SP4: variants seen among roughly 807,000 people sequenced by gnomAD.
The protein encoded by SP4 is Sp4 transcription factor, also known as transcription factor Sp4.
In SP4, 19 loss-of-function variants were observed where a neutral mutation model predicts 72.8. The ratio of observed to expected loss-of-function variants is 0.26; its 90% CI spans 0.18 to 0.38. SP4 has a LOEUF of 0.38. Among genes scored for constraint, SP4 ranks in the 10% least tolerant of loss-of-function variants. The pLI is 1.00. For missense variants in SP4, 1,008 were observed against 926.3 expected, an observed-to-expected ratio of 1.09 and a Z score of -1.14; for synonymous variants, 395 against 333.1, an observed-to-expected ratio of 1.19 and a Z score of -2.02.
intron 3 of SP4, among the ~76,000 whole-genome samples, chr7:21,441,804 G>T (rs1335061852): frequency 6.6e-6 from 1 of 152,074 alleles, no homozygotes; most frequent in African/African-American, 2.4e-5. Context: ...AAGGGATTAG[G>T]TAAAAACATC....
At chr7:21,471,225 T>A (rs1257638906) in intron 3 of SP4, 14 of 449,104 alleles carry the variant, frequency 3.1e-5, no homozygotes, top group South Asian at 2.4e-4. Context: ...ACTGACCTTA[T>A]TGTGAATGTA....
intron 3 of SP4, among the ~76,000 whole-genome samples, chr7:21,468,753 C>G (rs1226884962): frequency 6.6e-6 from 1 of 151,998 alleles, no homozygotes; most frequent in Non-Finnish European, 1.5e-5. Flanking sequence ...TCTTGCCTTA[C>G]TACATTGGCT....
chr7:21,429,837 G>A lies in SP4; in HGVS notation c.672G>A (p.Leu224=). The stretch of plus-strand genomic sequence containing the variant: ...CTGGGAATATTCTTGCTCAAAACCT[G>A]GCAAATCAGACAGTTCCGGTCCAAA... ...TASGNILAQN[L]ANQTVPVQIR... is the part of the protein sequence containing the mutation. Residue 224 remains leucine, a synonymous_variant, in exon 3 of 6, where the codon CTG becomes CTA. Transcript: ENST00000222584. The A allele has an allele frequency of 6.2e-7, 1 of 1,614,176 alleles. No individual in the cohort carries two copies.
At chr7:21,494,496 G>GA (rs1366262500) in intron 5 of SP4, among the ~76,000 whole-genome samples, 1 of 152,168 alleles carries the variant, frequency 6.6e-6, no homozygotes, top group East Asian at 1.9e-4. Flanking sequence ...TGAATAACGG[G>GA]ATATAAGTAG....
chr7:21,512,111 A>G lies in SP4; in HGVS notation c.*842A>G, dbSNP rs566850261. The stretch of plus-strand genomic sequence containing the variant: ...ATTCCTAACCCTAGGTTGAACCACA[A>G]AATTTCATTTAAAATGTTTATATTT... On this transcript the variant is annotated 3_prime_UTR_variant, in exon 6 of 6. Transcript: ENST00000222584. 3 of 152,650 alleles carry G rather than the reference A, an allele frequency of 2.0e-5. No individual in the cohort carries two copies. The highest frequency in any genetic ancestry group is 1.9e-4 in the East Asian group (1 of 5,200). The allele number at this position is 152,650 out of a possible 1,614,324, so 9.5% of individuals were successfully genotyped here. A position where few individuals can be genotyped will look rare whatever the true frequency, so the allele number is the denominator to read the frequency against.
intron 5 of SP4, among the ~76,000 whole-genome samples, chr7:21,510,517 G>C (rs1316508875): frequency 1.3e-5 from 2 of 152,030 alleles, no homozygotes; most frequent in Non-Finnish European, 2.9e-5. Flanking sequence ...AATGTAGCAT[G>C]TGCCTGCCTC....
chr7:21,470,461 C>T (rs1784300819), intron 3 of SP4, among the ~76,000 whole-genome samples: 1 of 152,206 alleles, frequency 6.6e-6, no homozygotes, highest in Non-Finnish European at 1.5e-5. Flanking sequence ...AATTTGTTGG[C>T]TTAGGCATAG....
intron 5 of SP4, among the ~76,000 whole-genome samples, chr7:21,482,363 T>A (rs1784711514): frequency 6.6e-6 from 1 of 152,238 alleles, no homozygotes; most frequent in East Asian, 1.9e-4. Context: ...TTATTCCATT[T>A]GTTTATATTG....
chr7:21,462,183 G>T (rs6974974), intron 3 of SP4, among the ~76,000 whole-genome samples: 110,410 of 151,792 alleles, frequency 0.73, 41,205 homozygotes, highest in East Asian at 0.9. Flanking sequence ...GCTGCCACCA[G>T]GCCCAGCTAA....
At chr7:21,455,252 G>A (rs147450045) in intron 3 of SP4, among the ~76,000 whole-genome samples, 426 of 152,254 alleles carry the variant, frequency 2.8e-3, no homozygotes, top group African/African-American at 9.8e-3. Context: ...CCAGTAGCCT[G>A]GCTTCCCACA....
chr7:21,463,265 G>A (rs916831308), intron 3 of SP4, among the ~76,000 whole-genome samples: 1 of 152,120 alleles, frequency 6.6e-6, no homozygotes, highest in South Asian at 2.1e-4. Flanking sequence ...AAGGTGCAAG[G>A]AAAGGGGAAT....
rs957755760 is a variant in SP4, at chr7:21,513,489, G to A, written c.*2220G>A. 2 of 152,584 alleles carry A rather than the reference G, an allele frequency of 1.3e-5. No homozygotes were observed. The highest frequency in any genetic ancestry group is 2.9e-5 in the Non-Finnish European group (2 of 68,008). The allele number at this position is 152,584 out of a possible 1,614,324, so 9.5% of individuals were successfully genotyped here. On this transcript the variant is annotated 3_prime_UTR_variant, in exon 6 of 6. Transcript: ENST00000222584. ...TTGTTGTTTTGTTTGGTACAGAGGA[G>A]CATTTGGTAGTGTTCATTTTAATTT...
intron 3 of SP4, among the ~76,000 whole-genome samples, chr7:21,457,036 C>T (rs2128400549): frequency 6.6e-6 from 1 of 152,256 alleles, no homozygotes; most frequent in African/African-American, 2.4e-5. Flanking sequence ...AGAAGGAAGG[C>T]ATAGAGGTAT....
At chr7:21,474,722 A>AG (rs1784445966) in intron 3 of SP4, among the ~76,000 whole-genome samples, 2 of 152,206 alleles carry the variant, frequency 1.3e-5, no homozygotes, top group South Asian at 4.1e-4. Context: ...TTTAGAGTTG[A>AG]GGAAACTGAG....
intron 5 of SP4, among the ~76,000 whole-genome samples, chr7:21,504,791 A>G (rs1224804290): frequency 6.6e-6 from 1 of 152,230 alleles, no homozygotes; most frequent in East Asian, 1.9e-4. Flanking sequence ...AGCGCTTACT[A>G]TTAGGGCCCC....
At chr7:21,447,694 C>T (rs1323093803) in intron 3 of SP4, among the ~76,000 whole-genome samples, 1 of 152,056 alleles carries the variant, frequency 6.6e-6, no homozygotes, top group African/African-American at 2.4e-5. Flanking sequence ...GAAGAAAGTA[C>T]TTTTTTTGAG....
intron 3 of SP4, among the ~76,000 whole-genome samples, chr7:21,447,221 A>G (rs981133521): frequency 6.6e-5 from 10 of 152,206 alleles, no homozygotes; most frequent in African/African-American, 2.2e-4. Flanking sequence ...CAAGCAGTAT[A>G]ACCCTGTAAT....
Position 21,513,389 on chromosome 7 carries a change from G to C in SP4, c.*2120G>C, listed in dbSNP as rs998245679. ...AGTCTTTAAATTTAAGTTGGATTTT[G>C]TAAATTGTTTTGTATATTTTATTTA... On this transcript the variant is annotated 3_prime_UTR_variant, in exon 6 of 6. Transcript: ENST00000222584. The C allele has an allele frequency of 6.6e-6, 1 of 152,536 alleles. No individual in the cohort carries two copies. The highest frequency in any genetic ancestry group is 2.4e-5 in the African/African-American group (1 of 41,434). The allele number at this position is 152,536 out of a possible 1,614,324, so 9.4% of individuals were successfully genotyped here. A position where few individuals can be genotyped will look rare whatever the true frequency, so the allele number is the denominator to read the frequency against.
chr7:21,448,338 AATTATT>A (rs1260686178), intron 3 of SP4, among the ~76,000 whole-genome samples: 2 of 152,330 alleles, frequency 1.3e-5, no homozygotes, highest in East Asian at 1.9e-4. Flanking sequence ...GTGTTTCATT[AATTATT>A]AAGAATCCTA....
Sources: gnomAD v4.1 joint callset for allele counts (sites outside exome capture counted in the v4.1 genomes callset) on GRCh38, gnomAD v4.1.1 for gene constraint, MANE v1.5 for transcripts, NCBI Gene and HGNC (gene_info 2026-07-23, HGNC 2026-07-21) for gene names.